ATP8B2: variants seen among roughly 807,000 people sequenced by gnomAD.
ATP8B2 encodes phospholipid-transporting ATPase ID.
ATP8B2 carries 70 observed loss-of-function variants against 133.4 expected under a neutral mutation model. That is an observed-to-expected ratio of 0.52 (90% CI 0.43 to 0.64). The LOEUF is 0.64. Among genes scored for constraint, ATP8B2 ranks in the 30% least tolerant of loss-of-function variants. The pLI is 0.00. For synonymous variants in ATP8B2, 517 were observed against 589.5 expected, an observed-to-expected ratio of 0.88 and a Z score of 1.78; for missense variants, 1,101 against 1,535.7, an observed-to-expected ratio of 0.72 and a Z score of 4.73.
Position 154,334,532 on chromosome 1 carries a change from G to A in ATP8B2, c.778G>A (p.Gly260Ser). 1 of 1,613,958 alleles carries A rather than the reference G, an allele frequency of 6.2e-7. No homozygotes were observed. Among genetic ancestry groups the A allele is most frequent in the Non-Finnish European group, 8.5e-7 (1 of 1,180,004 alleles). Residue 260 changes from glycine (G) to serine (S), a missense_variant, in exon 11 of 28, where the codon GGC (glycine) becomes AGC (serine). Gly to Ser is a moderately conservative substitution (Grantham distance 56). Coordinates refer to ENST00000368489, the MANE Select transcript of ATP8B2 (RefSeq NM_001370597.1). This position sits in a 1 kb window ranked among gnomAD's most constrained non-coding sequence, Gnocchi z 4.6. ...GPDTKLMQNS[G>S]RTKFKRTSID... ...CGACACTAAGCTGATGCAAAACAGC[G>A]GCAGAACAAAGTTCAAAAGAACGAG...
intron 12 of ATP8B2, chr1:154,337,994 C>T (rs1419589559): frequency 3.7e-6 from 1 of 267,394 alleles, no homozygotes; most frequent in Non-Finnish European, 7.0e-6. Context: ...AAGGTGGCCT[C>T]TGCCTTTAGC....
chr1:154,341,001 G>T lies in ATP8B2; in HGVS notation c.1182G>T (p.Thr394=). 1 of 1,614,110 alleles carries T rather than the reference G, an allele frequency of 6.2e-7. No homozygotes were observed. Among genetic ancestry groups the T allele is most frequent in the African/African-American group, 1.3e-5 (1 of 75,028 alleles). The part of the protein sequence containing the change: ...GQVEYIFSDK[T]GTLTQNIMVF... ...TGGAGTACATCTTCTCCGACAAGACGGGCACCCTCACCCAGAACATCATGG... is the reference window on the plus strand; with the variant it reads ...TGGAGTACATCTTCTCCGACAAGACTGGCACCCTCACCCAGAACATCATGG... The change falls in exon 13 of 28, where the codon ACG becomes ACT. Residue 394 remains threonine, a synonymous_variant. Transcript: ENST00000368489.
At position 154,348,533 on chromosome 1, in the gene ATP8B2, G is replaced by C. The variant is rs143318100; in HGVS notation, c.3289G>C (p.Asp1097His). The C allele has an allele frequency of 1.2e-6, 2 of 1,613,576 alleles. No individual in the cohort carries two copies. Among genetic ancestry groups the C allele is most frequent in the Non-Finnish European group, 8.5e-7 (1 of 1,179,760 alleles). Residue 1097 changes from aspartate (D) to histidine (H), a missense_variant, in exon 27 of 28, where the codon GAC (aspartate) becomes CAC (histidine). Coordinates refer to ENST00000368489, the MANE Select transcript of ATP8B2 (RefSeq NM_001370597.1). The stretch of plus-strand genomic sequence containing the variant: ...GCTCAACCTGAAGCCGGATCTCTCC[G>C]ACACGGTGAGAAGCCAGGCTACCTG... The part of the protein sequence containing the change: ...LRLNLKPDLS[D>H]TVRYTQLVRK...
chr1:154,348,372 T>A (rs1394701501), intron 26 of ATP8B2, 36 bp from the exon 27 acceptor site: 1 of 1,574,438 alleles, frequency 6.4e-7, no homozygotes, highest in Non-Finnish European at 8.7e-7. Context: ...GTCTGCCTCG[T>A]GACTCCCAAG....
chr1:154,343,289 A>C lies in ATP8B2; in HGVS notation c.1630A>C (p.Met544Leu). ...ILDFNNIRKRMSVIVRNPEGK... is the reference protein window; with the variant it reads ...ILDFNNIRKRLSVIVRNPEGK... ...GGACTTCAACAACATCCGCAAGCGGATGTCGGTCATAGGTGAGGCCAGGCC... is the reference window on the plus strand; with the variant it reads ...GGACTTCAACAACATCCGCAAGCGGCTGTCGGTCATAGGTGAGGCCAGGCC... The change falls in exon 16 of 28, where the codon ATG (methionine) becomes CTG (leucine). Residue 544 changes from methionine to leucine, a missense_variant. By Grantham distance (15) the Met-to-Leu change is conservative. Coordinates refer to ENST00000368489, the MANE Select transcript of ATP8B2 (RefSeq NM_001370597.1). This position sits in a 1 kb window ranked among gnomAD's most constrained non-coding sequence, Gnocchi z 5.8. 1 of 1,614,068 alleles carries C rather than the reference A, an allele frequency of 6.2e-7. No individual in the cohort carries two copies. The highest frequency in any genetic ancestry group is 8.5e-7 in the Non-Finnish European group (1 of 1,179,986).
At chr1:154,330,708 C>T (rs747041374) in intron 3 of ATP8B2, 107 bp from the exon 4 acceptor site, 43 of 980,630 alleles carry the variant, frequency 4.4e-5, no homozygotes, top group Non-Finnish European at 6.8e-5. Context: ...TGTTTGCTAG[C>T]TTTTGGGGTA....
At chr1:154,339,240 AGAG>A (rs1218962062) in intron 12 of ATP8B2, among the ~76,000 whole-genome samples, 1 of 152,178 alleles carries the variant, frequency 6.6e-6, no homozygotes, top group Non-Finnish European at 1.5e-5. Context: ...CAGGGTGTGA[AGAG>A]GAGAGTTGGG....
intron 11 of ATP8B2, among the ~76,000 whole-genome samples, chr1:154,335,900 G>A (rs1165866560): frequency 2.6e-5 from 4 of 151,914 alleles, no homozygotes; most frequent in African/African-American, 7.3e-5. Flanking sequence ...ATAGCTGGGC[G>A]TGGTGGCGGG....
chr1:154,343,684 G>A lies in ATP8B2; in HGVS notation c.1758+116G>A. ...GGTCTACAACGTGATGTTTTGATGT[G>A]TATATATAGTGAAGTGATTACTACA... On this transcript the variant is annotated intron_variant, in intron 17 of 27. Coordinates refer to ENST00000368489, the MANE Select transcript of ATP8B2 (RefSeq NM_001370597.1). This position sits in a 1 kb window ranked among gnomAD's most constrained non-coding sequence, Gnocchi z 5.8. 9.4e-7 allele frequency: 1 copy of A among 1,065,914 alleles called. No homozygotes were observed. The highest frequency in any genetic ancestry group is 1.4e-6 in the Non-Finnish European group (1 of 722,632). 66.0% of individuals were successfully genotyped at this position (1,065,914 alleles called of 1,614,324 possible). A position where few individuals can be genotyped will look rare whatever the true frequency, so the allele number is the denominator to read the frequency against.
chr1:154,335,991 G>A (rs1378771469), intron 11 of ATP8B2, among the ~76,000 whole-genome samples: 4 of 145,710 alleles, frequency 2.7e-5, no homozygotes, highest in Non-Finnish European at 4.5e-5. Context: ...GCAGTGAGCC[G>A]AGGTCGCGCC....
At chr1:154,326,348 T>A (rs1685789905) in intron 1 of ATP8B2, among the ~76,000 whole-genome samples, 1 of 151,990 alleles carries the variant, frequency 6.6e-6, no homozygotes, top group African/African-American at 2.4e-5. Flanking sequence ...CTCTTGCTTG[T>A]AAGGGAGCAG....
At chr1:154,329,523 C>G (rs959037528) in intron 2 of ATP8B2, among the ~76,000 whole-genome samples, 2 of 152,080 alleles carry the variant, frequency 1.3e-5, no homozygotes, top group African/African-American at 4.8e-5. Flanking sequence ...TATAGGACAG[C>G]TCCTTGTTCT....
Position 154,341,048 on chromosome 1 carries a change from A to G in ATP8B2, c.1229A>G (p.Asn410Ser). 4 of 1,614,116 alleles carry G rather than the reference A, an allele frequency of 2.5e-6. No individual in the cohort carries two copies. The highest frequency in any genetic ancestry group is 3.4e-6 in the Non-Finnish European group (4 of 1,180,006). ...ATGGTTTTCAACAAGTGCTCCATCA[A>G]TGGCCACAGCTATGGTATGGTGGCA... ...NIMVFNKCSINGHSYGDVFDV... is the reference protein window; with the variant it reads ...NIMVFNKCSISGHSYGDVFDV... Residue 410 changes from asparagine (N) to serine (S), a missense_variant, in exon 13 of 28, where the codon AAT (asparagine) becomes AGT (serine). By Grantham distance (46) the Asn-to-Ser change is conservative. Coordinates refer to ENST00000368489, the MANE Select transcript of ATP8B2 (RefSeq NM_001370597.1).
Position 154,340,530 on chromosome 1 carries a change from T to G in ATP8B2, c.1035-324T>G. ...TGTTTTTCTCTGCATGGTTTCTGTA[T>G]TATTAGTCCTGAGGTAAGAACTGGC... is the stretch of plus-strand genomic sequence containing the variant. On this transcript the variant is annotated intron_variant, in intron 12 of 27. Coordinates refer to ENST00000368489, the MANE Select transcript of ATP8B2 (RefSeq NM_001370597.1). This position sits in a 1 kb window ranked among gnomAD's most constrained non-coding sequence, Gnocchi z 4.0. The G allele has an allele frequency of 3.2e-6, 1 of 315,630 alleles. No individual in the cohort carries two copies. Among genetic ancestry groups the G allele is most frequent in the Non-Finnish European group, 6.3e-6 (1 of 159,012 alleles). The allele number at this position is 315,630 out of a possible 1,614,324, so 19.6% of individuals were successfully genotyped here. A position where few individuals can be genotyped will look rare whatever the true frequency, so the allele number is the denominator to read the frequency against.
rs1686559922 is a variant in ATP8B2, at chr1:154,345,720, A to G, written c.2695-80A>G. ...CAGAAAATTTCTTAGGGTTCTCTGT[A>G]TGTGACATCAGCTGTCTTCCTGTGC... On this transcript the variant is annotated intron_variant, in intron 23 of 27. Transcript: ENST00000368489. This position sits in a 1 kb window ranked among gnomAD's most constrained non-coding sequence, Gnocchi z 5.6. 3 of 1,408,744 alleles carry G rather than the reference A, an allele frequency of 2.1e-6. No individual in the cohort carries two copies. 87.3% of individuals were successfully genotyped at this position (1,408,744 alleles called of 1,614,324 possible).
chr1:154,326,949 C>A (rs965590794), intron 1 of ATP8B2, among the ~76,000 whole-genome samples: 106 of 152,266 alleles, frequency 7.0e-4, no homozygotes, highest in African/African-American at 2.4e-3. Context: ...TGAGGTTTTT[C>A]TTCCTGAGCC....
chr1:154,341,494 G>C (rs942922303), intron 13 of ATP8B2: 3 of 255,772 alleles, frequency 1.2e-5, no homozygotes, highest in African/African-American at 4.6e-5. Context: ...CCTGTCTCTC[G>C]AGAAAAATCC....
In ATP8B2 at chr1:154,349,168, C is replaced by T; in HGVS notation, c.*50C>T. 2 of 1,583,508 alleles carry T rather than the reference C, an allele frequency of 1.3e-6. No homozygotes were observed. The highest frequency in any genetic ancestry group is 1.7e-6 in the Non-Finnish European group (2 of 1,161,318). ...CAGTGACCAGAGCACCCAGGGCTGG[C>T]CAGTCACTGAGGGAACAGCGTCTCG... On this transcript the variant is annotated 3_prime_UTR_variant, in exon 28 of 28. Coordinates refer to ENST00000368489, the MANE Select transcript of ATP8B2 (RefSeq NM_001370597.1).
At chr1:154,327,955 A>C in intron 1 of ATP8B2, 150 bp from the exon 2 acceptor site, 5 of 1,530,964 alleles carry the variant, frequency 3.3e-6, no homozygotes, top group Non-Finnish European at 4.5e-6. Flanking sequence ...CCAGGAACCC[A>C]TCATGGCAGT....
Sources: allele counts gnomAD v4.1 joint callset (sites outside exome capture counted in the v4.1 genomes callset), GRCh38; gene constraint gnomAD v4.1.1; non-coding constraint Gnocchi (gnomAD v3.1); transcripts MANE v1.5; gene names NCBI Gene and HGNC (gene_info 2026-07-23, HGNC 2026-07-21).